DCLRE1B: variants seen among roughly 807,000 people sequenced by gnomAD.
DCLRE1B encodes DNA cross-link repair 1B, also known as 5' exonuclease Apollo.
Under a neutral mutation model 19.8 loss-of-function variants are expected in DCLRE1B, and 6 were observed. That is an observed-to-expected ratio of 0.30 (90% CI 0.17 to 0.60). The LOEUF is 0.60. Ranked by LOEUF, DCLRE1B falls within the 20% of genes least tolerant of loss-of-function variation. The pLI is 0.87. For synonymous variants in DCLRE1B, 258 were observed against 255.7 expected (o/e 1.01, Z -0.09); for missense variants, 622 against 654.2 (o/e 0.95, Z 0.54).
intron 1 of DCLRE1B, among the ~76,000 whole-genome samples, chr1:113,906,424 A>G (rs1571603714): frequency 6.8e-6 from 1 of 148,096 alleles, no homozygotes; most frequent in African/African-American, 2.5e-5. Flanking sequence ...TCCCCACCCC[A>G]CCCTTAAGTC....
At chr1:113,904,846 C>T (rs1668774317), upstream of DCLRE1B, 1 of 851,706 alleles carries the variant, frequency 1.2e-6, no homozygotes, top group African/African-American at 1.7e-5. Flanking sequence ...GATCTCGCCT[C>T]AGGCTCGGCT....
At chr1:113,907,204 GTTTTTTTTTTTTTTTTT>G (rs71090746) in intron 2 of DCLRE1B, 43 bp downstream of exon 2, 23 of 492,562 alleles carry the variant, frequency 4.7e-5, no homozygotes, top group African/African-American at 2.3e-4. Context: ...CAGACTAGAT[GTTTTTTTTTTTTTTTTT>G]TTTTTTTTTT....
chr1:113,912,692 C>T lies in DCLRE1B; in HGVS notation c.*501C>T, dbSNP rs115123839. ...CTATTTTTAAAATTATGAACTATGG[C>T]GCTGCATGCTTCAATCCTGAACGTC... is the stretch of plus-strand genomic sequence containing the variant. On this transcript the variant is annotated 3_prime_UTR_variant, in exon 4 of 4. Coordinates refer to ENST00000650450, the MANE Select transcript of DCLRE1B (RefSeq NM_022836.4). 3.0e-3 allele frequency: 464 copies of T among 152,834 alleles called. No homozygotes were observed. Among genetic ancestry groups the T allele is most frequent in the African/African-American group, 8.1e-3 (336 of 41,552 alleles). 9.5% of individuals were successfully genotyped at this position (152,834 alleles called of 1,614,324 possible). A position where few individuals can be genotyped will look rare whatever the true frequency, so the allele number is the denominator to read the frequency against.
Position 113,905,661 on chromosome 1 carries a change from TCTC to T in DCLRE1B, c.76_78del (p.Leu26del), listed in dbSNP as rs773067254. 6.2e-7 allele frequency: 1 copy of T among 1,614,182 alleles called. No homozygotes were observed. The highest frequency in any genetic ancestry group is 1.1e-5 in the South Asian group (1 of 91,090). ...GCCTGCGCCGGGCTGGCACCGCACGTCTCTTCTTCTTGTCTCACATGCACTCGG... is the reference window on the plus strand; with the variant it reads ...GCCTGCGCCGGGCTGGCACCGCACGTTTCTTCTTGTCTCACATGCACTCGG... On this transcript the variant is annotated inframe_deletion, in exon 1 of 4. Coordinates refer to ENST00000650450, the MANE Select transcript of DCLRE1B (RefSeq NM_022836.4).
At chr1:113,911,074 C>T in intron 3 of DCLRE1B, 57 bp from the exon 4 acceptor site, 24 of 1,463,668 alleles carry the variant, frequency 1.6e-5, no homozygotes, top group South Asian at 1.1e-4. Context: ...TAGGATTTTC[C>T]AATAGCTTAA....
rs745991382 is a variant in DCLRE1B at position 113,911,344 on chromosome 1, C to T, written c.752C>T (p.Thr251Met). ...CTGCGTTGGAACCAGACCCACCCTACGATTGCTATCCTTCCCACAAGCCGA... is the reference window on the plus strand; with the variant it reads ...CTGCGTTGGAACCAGACCCACCCTATGATTGCTATCCTTCCCACAAGCCGA... Reference protein sequence around the residue: ...NMLRWNQTHPTIAILPTSRKI... With the variant: ...NMLRWNQTHPMIAILPTSRKI... Residue 251 changes from threonine to methionine, a missense_variant, in exon 4 of 4, where the codon ACG becomes ATG. Around this residue, in one of 3 missense-constraint regions of DCLRE1B, gnomAD observed 382 missense variants for 412.5 expected, o/e 0.93. Coordinates refer to ENST00000650450, the MANE Select transcript of DCLRE1B (RefSeq NM_022836.4). 9 of 1,614,046 alleles carry T rather than the reference C, an allele frequency of 5.6e-6. No individual in the cohort carries two copies. The highest frequency in any genetic ancestry group is 7.6e-6 in the Non-Finnish European group (9 of 1,180,050).
rs772803140 is a variant in DCLRE1B, at chr1:113,911,471, G to C, written c.879G>C (p.Gln293His). Residue 293 changes from glutamine to histidine, a missense_variant, in exon 4 of 4, where the codon CAG becomes CAC. Physicochemically the swap from Gln to His is conservative, Grantham distance 24 (BLOSUM62 0). Coordinates refer to ENST00000650450, the MANE Select transcript of DCLRE1B (RefSeq NM_022836.4). ...TTGTCGCAGCACTGAAGCCTTGCCAGGTGGTGCCCATTGTAAGTCGGCGGC... is the reference window on the plus strand; with the variant it reads ...TTGTCGCAGCACTGAAGCCTTGCCACGTGGTGCCCATTGTAAGTCGGCGGC... ...RAFVAALKPC[Q>H]VVPIVSRRPC... 6.2e-7 allele frequency: 1 copy of C among 1,614,170 alleles called. No homozygotes were observed. Among genetic ancestry groups the C allele is most frequent in the Admixed American group, 1.7e-5 (1 of 60,020 alleles).
chr1:113,908,256 C>G lies in DCLRE1B; in HGVS notation c.538+65C>G, dbSNP rs980211502. On this transcript the variant is annotated intron_variant, in intron 3 of 3. Transcript: ENST00000650450. ...GTGAACTAGATTCTTTAAGGATTCT[C>G]ACATCTTTCAGATCTTTGTGCAGTT... 29 of 1,552,056 alleles carry G rather than the reference C, an allele frequency of 1.9e-5. No homozygotes were observed. In the African/African-American group the frequency reaches 3.8e-4, roughly 21 times the overall value.
Position 113,911,692 on chromosome 1 carries a change from A to G in DCLRE1B, c.1100A>G (p.Asp367Gly). Residue 367 changes from aspartate to glycine, a missense_variant, in exon 4 of 4, where the codon GAC becomes GGC. Physicochemically the swap from Asp to Gly is moderately conservative, Grantham distance 94. This residue lies in a region of DCLRE1B where 382 missense variants were observed against 412.5 expected (regional missense o/e 0.93). Coordinates refer to ENST00000650450, the MANE Select transcript of DCLRE1B (RefSeq NM_022836.4). Reference protein sequence around the residue: ...PEESADQSQADRDSKKAKKEK... With the variant: ...PEESADQSQAGRDSKKAKKEK... ...GAAAGTGCTGATCAATCTCAAGCTG[A>G]CAGAGACTCAAAGAAGGCCAAGAAA... is the stretch of plus-strand genomic sequence containing the variant. The G allele has an allele frequency of 6.2e-7, 1 of 1,613,902 alleles. No individual in the cohort carries two copies. Among genetic ancestry groups the G allele is most frequent in the Non-Finnish European group, 8.5e-7 (1 of 1,179,896 alleles).
intron 2 of DCLRE1B, 117 bp from the exon 3 acceptor site, chr1:113,907,892 C>T (rs1262599801): frequency 3.5e-6 from 4 of 1,140,328 alleles, no homozygotes; most frequent in Admixed American, 4.8e-5. Flanking sequence ...TGCCAGGCTA[C>T]ATAATAGTTT....
rs545672483 is a variant in DCLRE1B, at chr1:113,905,377, C to G, written c.-210C>G. ...CTCCCGCGCGGTTGGGAGTGTCCAG[C>G]GCCCTCCGCGATTTGGGCTCCAGCG... On this transcript the variant is annotated 5_prime_UTR_variant, in exon 1 of 4. Coordinates refer to ENST00000650450, the MANE Select transcript of DCLRE1B (RefSeq NM_022836.4). 1.7e-6 allele frequency: 1 copy of G among 587,438 alleles called. No individual in the cohort carries two copies. Among genetic ancestry groups the G allele is most frequent in the South Asian group, 2.2e-5 (1 of 44,694 alleles). The allele number at this position is 587,438 out of a possible 1,614,324, so 36.4% of individuals were successfully genotyped here. A position where few individuals can be genotyped will look rare whatever the true frequency, so the allele number is the denominator to read the frequency against.
At chr1:113,907,866 A>G (rs1669097244) in intron 2 of DCLRE1B, 143 bp from the exon 3 acceptor site, 2 of 830,934 alleles carry the variant, frequency 2.4e-6, no homozygotes, top group Non-Finnish European at 3.7e-6. Flanking sequence ...CCATGCAGCT[A>G]TACTGCCTAG....
rs1669312284 is a variant in DCLRE1B at position 113,912,700 on chromosome 1, G to C, written c.*509G>C. 6.6e-6 allele frequency: 1 copy of C among 152,616 alleles called. No individual in the cohort carries two copies. The highest frequency in any genetic ancestry group is 2.4e-5 in the African/African-American group (1 of 41,456). The allele number at this position is 152,616 out of a possible 1,614,324, so 9.5% of individuals were successfully genotyped here. A position where few individuals can be genotyped will look rare whatever the true frequency, so the allele number is the denominator to read the frequency against. On this transcript the variant is annotated 3_prime_UTR_variant, in exon 4 of 4. Coordinates refer to ENST00000650450, the MANE Select transcript of DCLRE1B (RefSeq NM_022836.4). Reference sequence around the variant, plus strand: ...AAAATTATGAACTATGGCGCTGCATGCTTCAATCCTGAACGTCACTGACTT... The same window carrying C: ...AAAATTATGAACTATGGCGCTGCATCCTTCAATCCTGAACGTCACTGACTT...
In DCLRE1B at chr1:113,908,124, C is replaced by A. The variant is rs754689580; in HGVS notation, c.471C>A (p.Ser157=). 10 of 1,614,062 alleles carry A rather than the reference C, an allele frequency of 6.2e-6. No individual in the cohort carries two copies. The Admixed American group carries it at 1.3e-4, about 22-fold the overall frequency. The part of the protein sequence containing the change: ...TNCNPALVLP[S]RQEAAHQIVQ... ...GCAATCCAGCCCTGGTTCTTCCTTC[C>A]CGACAAGAAGCTGCCCACCAGATTG... Residue 157 remains serine (S), a synonymous_variant, in exon 3 of 4, where the codon TCC becomes TCA. Coordinates refer to ENST00000650450, the MANE Select transcript of DCLRE1B (RefSeq NM_022836.4).
rs1174636200 is a variant in DCLRE1B, at chr1:113,909,137, A to T, written c.538+946A>T. 4.6e-5 allele frequency among the ~76,000 whole-genome samples: 7 copies of T among 152,328 alleles called. No individual in the cohort carries two copies. The East Asian group carries it at 9.6e-4, about 21-fold the overall frequency. On this transcript the variant is annotated intron_variant, in intron 3 of 3. Transcript: ENST00000650450. ...ATTCCACTATGGCAGTCTCTGTTTTATTATGGGTGTATCACAAATGCCTAC... is the reference window on the plus strand; with the variant it reads ...ATTCCACTATGGCAGTCTCTGTTTTTTTATGGGTGTATCACAAATGCCTAC...
chr1:113,908,261 C>G, intron 3 of DCLRE1B, 70 bp downstream of exon 3: 1 of 1,544,374 alleles, frequency 6.5e-7, no homozygotes, highest in Non-Finnish European at 8.8e-7. Flanking sequence ...ATTCTCACAT[C>G]TTTCAGATCT....
chr1:113,907,260 G>A (rs1419203655), intron 2 of DCLRE1B, 99 bp downstream of exon 2: 2 of 1,094,924 alleles, frequency 1.8e-6, no homozygotes, highest in South Asian at 1.9e-5. Flanking sequence ...GCCTCGCAGT[G>A]TTGCCGAGGC....
intron 3 of DCLRE1B, among the ~76,000 whole-genome samples, chr1:113,909,873 C>T (rs943785175): frequency 6.6e-6 from 1 of 152,184 alleles, no homozygotes; most frequent in East Asian, 1.9e-4. Context: ...AAGAAAAATC[C>T]GCTCCATTTG....
chr1:113,905,285 G>T (rs56246459), upstream of DCLRE1B: 175 of 398,860 alleles, frequency 4.4e-4, 1 homozygote, highest in African/African-American at 3.4e-3. Flanking sequence ...GCGGGCAATC[G>T]GAAATCGGCT....
Sources: allele counts gnomAD v4.1 joint callset (sites outside exome capture counted in the v4.1 genomes callset), GRCh38; gene constraint gnomAD v4.1.1; regional missense constraint gnomAD v4.1.1; transcripts MANE v1.5; gene names NCBI Gene and HGNC (gene_info 2026-07-23, HGNC 2026-07-21).